Variants in EDNRA observed in about 807,000 individuals in gnomAD.
The protein encoded by EDNRA is endothelin receptor type A.
In EDNRA, 11 loss-of-function variants were observed where a neutral mutation model predicts 41.4. The observed-to-expected ratio is 0.27, with a 90% confidence interval of 0.17 to 0.44. EDNRA has a LOEUF of 0.44. Ranked by LOEUF, EDNRA falls within the 20% of genes least tolerant of loss-of-function variation. The pLI, the probability that EDNRA is intolerant of heterozygous loss-of-function variation, is 1.00. For synonymous variants in EDNRA, 172 were observed against 183.0 expected (o/e 0.94, Z 0.49); for missense variants, 294 against 531.0 (o/e 0.55, Z 4.39).
Position 147,543,901 on chromosome 4 carries a change from A to T in EDNRA, c.*1283A>T, listed in dbSNP as rs1402824818. On this transcript the variant is annotated 3_prime_UTR_variant, in exon 8 of 8. Transcript: ENST00000651419. ...AACATCTCCCTCCCACATTGTCACC[A>T]TTTCAAAGGGCCCACAGTGACTTTT... The T allele has an allele frequency of 6.6e-6, 1 of 152,504 alleles. No individual in the cohort carries two copies. Among genetic ancestry groups the T allele is most frequent in the African/African-American group, 2.4e-5 (1 of 41,406 alleles). The allele number at this position is 152,504 out of a possible 1,614,324, so 9.4% of individuals were successfully genotyped here. A position where few individuals can be genotyped will look rare whatever the true frequency, so the allele number is the denominator to read the frequency against.
intron 2 of EDNRA, among the ~76,000 whole-genome samples, chr4:147,510,578 AT>A (rs1461688568): frequency 6.6e-6 from 1 of 152,126 alleles, no homozygotes; most frequent in Admixed American, 6.6e-5. Context: ...CTTAACTGAT[AT>A]TTTTTCTACA....
intron 2 of EDNRA, among the ~76,000 whole-genome samples, chr4:147,502,892 G>A (rs576714573): frequency 9.9e-4 from 151 of 152,254 alleles, no homozygotes; most frequent in African/African-American, 3.5e-3. Context: ...TTTTAGGACT[G>A]ATATGACTGC....
At chr4:147,539,736 C>T (rs1408044841) in intron 5 of EDNRA, 81 bp from the exon 6 acceptor site, 4 of 1,466,626 alleles carry the variant, frequency 2.7e-6, no homozygotes, top group Non-Finnish European at 3.7e-6. Flanking sequence ...CTGGTGTCTG[C>T]TACTTCTTGG....
intron 2 of EDNRA, among the ~76,000 whole-genome samples, chr4:147,496,415 A>G (rs530965901): frequency 6.6e-6 from 1 of 152,352 alleles, no homozygotes; most frequent in Non-Finnish European, 1.5e-5. Context: ...GGGTTATGTT[A>G]TATCATTTAA....
intron 3 of EDNRA, among the ~76,000 whole-genome samples, chr4:147,522,487 G>A (rs1560910191): frequency 6.6e-6 from 1 of 151,798 alleles, no homozygotes; most frequent in Non-Finnish European, 1.5e-5. Flanking sequence ...GCAGTGAGCC[G>A]AGATTAGACA....
intron 4 of EDNRA, among the ~76,000 whole-genome samples, chr4:147,534,216 C>T (rs907576047): frequency 2.0e-5 from 3 of 152,032 alleles, no homozygotes; most frequent in South Asian, 4.2e-4. Context: ...CAAATGCACC[C>T]GGAAAAAGAG....
At chr4:147,537,345 G>C (rs1294233502) in intron 5 of EDNRA, among the ~76,000 whole-genome samples, 1 of 152,192 alleles carries the variant, frequency 6.6e-6, no homozygotes, top group Non-Finnish European at 1.5e-5. Context: ...TTAGCAAGAA[G>C]ATTACATTGA....
At chr4:147,539,369 C>G (rs1488403901) in intron 5 of EDNRA, among the ~76,000 whole-genome samples, 3 of 151,890 alleles carry the variant, frequency 2.0e-5, no homozygotes, top group Non-Finnish European at 4.4e-5. Flanking sequence ...AGTCTCCTTG[C>G]CTTCCATGCC....
intron 1 of EDNRA, among the ~76,000 whole-genome samples, chr4:147,484,655 T>C (rs1307526438): frequency 6.6e-6 from 1 of 152,162 alleles, no homozygotes; most frequent in Non-Finnish European, 1.5e-5. Flanking sequence ...GGTTAAAAGA[T>C]AGCATGGGGA....
At chr4:147,505,327 ATTTTT>A (rs869077171) in intron 2 of EDNRA, among the ~76,000 whole-genome samples, 5,232 of 79,308 alleles carry the variant, frequency 0.066, 152 homozygotes, top group African/African-American at 0.14. Context: ...TTCTTTTTTC[ATTTTT>A]TTTTTTTTTT....
At chr4:147,493,596 G>T (rs1729211701) in intron 2 of EDNRA, 1 of 152,146 alleles carries the variant, frequency 6.6e-6, no homozygotes, top group African/African-American at 2.4e-5. Context: ...TTGGGAGTTA[G>T]AACTACTGCT....
chr4:147,485,475 G>T, intron 1 of EDNRA, 137 bp from the exon 2 acceptor site: 1 of 654,062 alleles, frequency 1.5e-6, no homozygotes. Flanking sequence ...CTCTGTCATA[G>T]GGTAACCTGA....
At chr4:147,531,098 A>G (rs1322600016) in intron 3 of EDNRA, among the ~76,000 whole-genome samples, 1 of 152,238 alleles carries the variant, frequency 6.6e-6, no homozygotes, top group Non-Finnish European at 1.5e-5. Flanking sequence ...CTTAGACATA[A>G]CATTTAAATG....
At chr4:147,501,037 G>A (rs890186984) in intron 2 of EDNRA, among the ~76,000 whole-genome samples, 1 of 152,158 alleles carries the variant, frequency 6.6e-6, no homozygotes, top group Non-Finnish European at 1.5e-5. Flanking sequence ...CTCTCTTGTG[G>A]TTTTGAAATT....
chr4:147,536,952 G>T (rs540858883), intron 5 of EDNRA, among the ~76,000 whole-genome samples: 1 of 152,254 alleles, frequency 6.6e-6, no homozygotes, highest in East Asian at 1.9e-4. Context: ...AGACATATAA[G>T]GTGCCTAATA....
chr4:147,481,798 C>G (rs1374830116), intron 1 of EDNRA, among the ~76,000 whole-genome samples: 1 of 152,214 alleles, frequency 6.6e-6, no homozygotes, highest in Non-Finnish European at 1.5e-5. Context: ...CTTGCTTTTC[C>G]TCCCCCACAT....
chr4:147,505,226 A>G, intron 2 of EDNRA, among the ~76,000 whole-genome samples: 1 of 147,678 alleles, frequency 6.8e-6, no homozygotes, highest in Non-Finnish European at 1.5e-5. Flanking sequence ...AGAGAGAGAG[A>G]GAGAGAGACA....
At chr4:147,506,460 G>C (rs1729719845) in intron 2 of EDNRA, 1 of 356,858 alleles carries the variant, frequency 2.8e-6, no homozygotes, top group Non-Finnish European at 5.6e-6. Flanking sequence ...ACAACAACTG[G>C]ACAAAGTTGT....
intron 1 of EDNRA, among the ~76,000 whole-genome samples, chr4:147,484,754 T>G (rs1477801469): frequency 6.6e-6 from 1 of 152,254 alleles, no homozygotes; most frequent in African/African-American, 2.4e-5. Context: ...CGTATTGTGA[T>G]GATAATTTCT....
Sources: gnomAD v4.1 joint callset for allele counts (sites outside exome capture counted in the v4.1 genomes callset) on GRCh38, gnomAD v4.1.1 for gene constraint, MANE v1.5 for transcripts, NCBI Gene and HGNC (gene_info 2026-07-23, HGNC 2026-07-21) for gene names.